Variants in JAK1 observed in about 807,000 individuals in gnomAD.
JAK1 encodes tyrosine-protein kinase JAK1.
JAK1 carries 16 observed loss-of-function variants against 136.6 expected under a neutral mutation model. That is an observed-to-expected ratio of 0.12 (90% confidence interval 0.08 to 0.18). The LOEUF is 0.18. Among genes scored for constraint, JAK1 ranks in the 10% least tolerant of loss-of-function variants. The pLI, the probability that JAK1 is intolerant of heterozygous loss-of-function variation, is 1.00. For synonymous variants in JAK1, 492 were observed against 519.5 expected, an observed-to-expected ratio of 0.95 and a Z score of 0.72; for missense variants, 859 against 1,450.1, an observed-to-expected ratio of 0.59 and a Z score of 6.62.
intron 2 of JAK1, among the ~76,000 whole-genome samples, chr1:65,032,780 T>G (rs909692844): frequency 6.6e-6 from 1 of 152,212 alleles, no homozygotes; most frequent in Non-Finnish European, 1.5e-5. Context: ...TGTCTATTTC[T>G]CTATGTTAGA....
chr1:64,868,383 T>C (rs1179585923), intron 6 of JAK1, among the ~76,000 whole-genome samples: 2 of 152,168 alleles, frequency 1.3e-5, no homozygotes, highest in African/African-American at 4.8e-5. Flanking sequence ...AGTAGAAAAT[T>C]GTGAAGTTTG....
chr1:64,898,952 T>G (rs1421583431), intron 1 of JAK1, among the ~76,000 whole-genome samples: 2 of 152,236 alleles, frequency 1.3e-5, no homozygotes, highest in African/African-American at 4.8e-5. Context: ...CACCTCTGCC[T>G]TTTTAGTCTT....
upstream of JAK1, among the ~76,000 whole-genome samples, chr1:64,970,855 A>C (rs6682547): frequency 0.045 from 6,864 of 152,258 alleles, 360 homozygotes; most frequent in East Asian, 0.27. Flanking sequence ...TCCTTCTAAC[A>C]TGCAATCCAT....
At chr1:65,042,062 A>G (rs1298512234) in intron 2 of JAK1, among the ~76,000 whole-genome samples, 1 of 152,092 alleles carries the variant, frequency 6.6e-6, no homozygotes, top group Admixed American at 6.6e-5. Context: ...ACAAAACAAA[A>G]CAAAAAAATC....
intron 2 of JAK1, among the ~76,000 whole-genome samples, chr1:64,998,866 T>G (rs1646727723): frequency 6.6e-6 from 1 of 152,210 alleles, no homozygotes; most frequent in Admixed American, 6.5e-5. Flanking sequence ...AACTAAAACT[T>G]CTTCCTTTTG....
intron 3 of JAK1, among the ~76,000 whole-genome samples, chr1:64,880,860 T>C (rs1644760175): frequency 6.6e-6 from 1 of 151,976 alleles, no homozygotes; most frequent in Non-Finnish European, 1.5e-5. Flanking sequence ...GGCAGGAGAA[T>C]CGCTTGAACC....
At chr1:64,866,107 TATA>T (rs1410594902) in intron 7 of JAK1, among the ~76,000 whole-genome samples, 6 of 152,226 alleles carry the variant, frequency 3.9e-5, no homozygotes, top group African/African-American at 9.6e-5. Flanking sequence ...TTGTAACGGC[TATA>T]ATAATTTATT....
chr1:65,052,452 T>A (rs890449276), intron 1 of JAK1, among the ~76,000 whole-genome samples: 1 of 151,044 alleles, frequency 6.6e-6, no homozygotes, highest in African/African-American at 2.4e-5. Context: ...CCGAGGCAGG[T>A]GGATCACCTG....
At chr1:64,869,522 T>G (rs1423367256) in intron 5 of JAK1, 48 bp from the exon 6 acceptor site, 1 of 1,543,214 alleles carries the variant, frequency 6.5e-7, no homozygotes, top group African/African-American at 1.4e-5. Context: ...TTTTTGATCT[T>G]GACAAGAAGG....
chr1:65,026,879 G>A (rs1359060236), intron 2 of JAK1, among the ~76,000 whole-genome samples: 1 of 151,876 alleles, frequency 6.6e-6, no homozygotes, highest in African/African-American at 2.4e-5. Flanking sequence ...TTGAACCTAG[G>A]AGGTAGAGGC....
chr1:64,860,419 C>CATGCATTTATTTATTT (rs1156251696), intron 8 of JAK1, among the ~76,000 whole-genome samples, 157 bp from the exon 9 acceptor site: 1 of 73,914 alleles, frequency 1.4e-5, no homozygotes, highest in East Asian at 4.0e-4. Flanking sequence ...CCCTTGCATG[C>CATGCATTTATTTATTT]ATTTATTTAT....
At chr1:65,042,919 T>C (rs539393742) in intron 2 of JAK1, among the ~76,000 whole-genome samples, 1 of 152,298 alleles carries the variant, frequency 6.6e-6, no homozygotes, top group Admixed American at 6.5e-5. Context: ...AGTGTAAAGA[T>C]TCTCCTAGTG....
intron 2 of JAK1, among the ~76,000 whole-genome samples, chr1:65,043,152 A>C (rs1035240578): frequency 2.0e-5 from 3 of 152,226 alleles, no homozygotes; most frequent in African/African-American, 4.8e-5. Context: ...CAGAAATATG[A>C]GGACTTGGAG....
At chr1:65,035,475 C>T (rs914894447) in intron 2 of JAK1, among the ~76,000 whole-genome samples, 1 of 152,192 alleles carries the variant, frequency 6.6e-6, no homozygotes, top group African/African-American at 2.4e-5. Flanking sequence ...ACCTTCAGTG[C>T]TGACTCTAGA....
At chr1:64,953,321 G>T (rs988687970) in intron 1 of JAK1, among the ~76,000 whole-genome samples, 2 of 151,752 alleles carry the variant, frequency 1.3e-5, no homozygotes, top group Non-Finnish European at 2.9e-5. Flanking sequence ...GGTCTACACA[G>T]TCCATTTACA....
intron 1 of JAK1, among the ~76,000 whole-genome samples, chr1:64,913,667 G>GGAAA (rs1557686492): frequency 3.5e-4 from 8 of 22,928 alleles, no homozygotes; most frequent in Non-Finnish European, 8.4e-4. Flanking sequence ...AAGGAAGGAA[G>GGAAA]GAAGGAAGGA....
At chr1:64,846,799 C>A (rs2101010641) in intron 13 of JAK1, 63 bp from the exon 14 acceptor site, 1 of 1,322,674 alleles carries the variant, frequency 7.6e-7, no homozygotes, top group Admixed American at 1.8e-5. Flanking sequence ...TCCCCAGGGG[C>A]TCTGTTGAGG....
At chr1:64,907,383 C>A (rs1645207452) in intron 1 of JAK1, among the ~76,000 whole-genome samples, 2 of 152,238 alleles carry the variant, frequency 1.3e-5, no homozygotes, top group South Asian at 4.1e-4. Flanking sequence ...TTTTCTCAGA[C>A]CTACAGCAAA....
chr1:64,941,136 G>C (rs1004367397), intron 1 of JAK1, among the ~76,000 whole-genome samples: 1 of 152,206 alleles, frequency 6.6e-6, no homozygotes, highest in African/African-American at 2.4e-5. Flanking sequence ...CTGCACTCCA[G>C]CCTGGGCTAT....
Sources: gnomAD v4.1 joint callset for allele counts (sites outside exome capture counted in the v4.1 genomes callset) on GRCh38, gnomAD v4.1.1 for gene constraint, MANE v1.5 for transcripts, NCBI Gene and HGNC (gene_info 2026-07-23, HGNC 2026-07-21) for gene names.